WWOX: variants seen among roughly 807,000 people sequenced by gnomAD.
WWOX encodes WW domain containing oxidoreductase, also known as WW domain-containing oxidoreductase.
Under a neutral mutation model 46.2 loss-of-function variants are expected in WWOX, and 69 were observed. That is an observed-to-expected ratio of 1.49 (90% CI 1.23 to 1.82). WWOX has a LOEUF of 1.82. Among genes scored for constraint, WWOX ranks in the 40% most tolerant of loss-of-function variants. The pLI, the probability that WWOX is intolerant of heterozygous loss-of-function variation, is 0.00. For synonymous variants in WWOX, 359 were observed against 202.6 expected (o/e 1.77, Z -6.56); for missense variants, 919 against 542.6 (o/e 1.69, Z -6.89).
At chr16:78,531,916 T>C (rs956792662) in intron 8 of WWOX, among the ~76,000 whole-genome samples, 1 of 152,072 alleles carries the variant, frequency 6.6e-6, no homozygotes, top group Non-Finnish European at 1.5e-5. Context: ...TACAATAACT[T>C]TTTCAGTCTC....
intron 8 of WWOX, among the ~76,000 whole-genome samples, chr16:78,798,570 C>T (rs573429083): frequency 6.8e-6 from 1 of 147,266 alleles, no homozygotes; most frequent in African/African-American, 2.5e-5. Flanking sequence ...TCCTCCCTCC[C>T]CCCAAGGTAG....
chr16:78,132,216 C>A (rs189205575), intron 4 of WWOX, among the ~76,000 whole-genome samples: 5 of 149,640 alleles, frequency 3.3e-5, no homozygotes, highest in African/African-American at 1.2e-4. Flanking sequence ...TTAGTAGAGA[C>A]GGGGTTTCAC....
intron 4 of WWOX, among the ~76,000 whole-genome samples, chr16:78,163,414 C>A (rs185224827): frequency 1.8e-4 from 28 of 152,284 alleles, no homozygotes; most frequent in African/African-American, 6.3e-4. Flanking sequence ...TTTACCGTGG[C>A]CCTTTCCTGG....
At chr16:78,283,760 A>C (rs571759031) in intron 5 of WWOX, among the ~76,000 whole-genome samples, 2 of 152,298 alleles carry the variant, frequency 1.3e-5, no homozygotes, top group East Asian at 3.9e-4. Flanking sequence ...TTACATAGTG[A>C]CAACAGTGGG....
intron 5 of WWOX, among the ~76,000 whole-genome samples, chr16:78,312,453 C>T (rs921067340): frequency 6.8e-6 from 1 of 146,714 alleles, no homozygotes; most frequent in Non-Finnish European, 1.5e-5. Context: ...TTTCTGCTCA[C>T]TGCAACCTCC....
chr16:78,807,408 C>A (rs2051071098), intron 8 of WWOX, among the ~76,000 whole-genome samples: 1 of 152,164 alleles, frequency 6.6e-6, no homozygotes, highest in South Asian at 2.1e-4. Context: ...GAACACAGGC[C>A]TTGATGTTTT....
intron 8 of WWOX, chr16:79,111,020 G>A (rs2049406402): frequency 6.6e-6 from 1 of 152,222 alleles, no homozygotes; most frequent in Non-Finnish European, 1.5e-5. Flanking sequence ...TTCTCAGCAA[G>A]TATTTGTAGA....
At chr16:78,757,479 G>T (rs1426881292) in intron 8 of WWOX, among the ~76,000 whole-genome samples, 1 of 152,076 alleles carries the variant, frequency 6.6e-6, no homozygotes, top group East Asian at 1.9e-4. Flanking sequence ...ATACCATCTA[G>T]GACCCTGGCT....
intron 5 of WWOX, among the ~76,000 whole-genome samples, chr16:78,331,408 C>A (rs928724784): frequency 6.6e-6 from 1 of 152,192 alleles, no homozygotes; most frequent in Non-Finnish European, 1.5e-5. Context: ...AAACCAATTA[C>A]ATTCTAATAC....
intron 8 of WWOX, among the ~76,000 whole-genome samples, chr16:78,579,181 C>T (rs1453037281): frequency 6.6e-6 from 1 of 152,094 alleles, no homozygotes; most frequent in African/African-American, 2.4e-5. Context: ...TAGGAAGTCC[C>T]TATTTGTGGG....
chr16:78,392,029 A>T (rs79578393), intron 6 of WWOX, among the ~76,000 whole-genome samples: 7,539 of 149,806 alleles, frequency 0.05, 638 homozygotes, highest in African/African-American at 0.18. Context: ...ATTTCTTTTA[A>T]TGCAACAGAT....
chr16:78,887,073 GT>G (rs2044475057), intron 8 of WWOX, among the ~76,000 whole-genome samples: 2 of 22,768 alleles, frequency 8.8e-5, no homozygotes, highest in African/African-American at 1.3e-4. Context: ...ATGTGTGTGT[GT>G]GTGGTGTGTG....
intron 8 of WWOX, among the ~76,000 whole-genome samples, chr16:78,715,357 T>G (rs941114772): frequency 6.6e-6 from 1 of 152,176 alleles, no homozygotes; most frequent in East Asian, 1.9e-4. Context: ...TCCCCAGCTT[T>G]GTGATTCTCT....
chr16:78,527,923 C>A (rs11150084), intron 8 of WWOX, among the ~76,000 whole-genome samples: 1 of 149,254 alleles, frequency 6.7e-6, no homozygotes, highest in Admixed American at 6.7e-5. Flanking sequence ...CAGCAGTGCC[C>A]AGGTTGGGAA....
chr16:78,595,948 C>G (rs1315006782), intron 8 of WWOX, among the ~76,000 whole-genome samples: 1 of 152,184 alleles, frequency 6.6e-6, no homozygotes, highest in African/African-American at 2.4e-5. Context: ...AACCTGAACT[C>G]AGGAGAGTGG....
intron 8 of WWOX, among the ~76,000 whole-genome samples, chr16:78,810,039 C>G (rs2051146071): frequency 6.6e-6 from 1 of 152,140 alleles, no homozygotes; most frequent in South Asian, 2.1e-4. Flanking sequence ...TTGAAGTTTC[C>G]ATTTTTATGC....
rs368249631 is a variant in WWOX, at chr16:78,386,974, G to T, written c.605+26G>T. 2.5e-6 allele frequency: 4 copies of T among 1,600,500 alleles called. No homozygotes were observed. In the African/African-American group the frequency reaches 4.0e-5, roughly 16 times the overall value. ...GTGAGTGTTCCAGTGGAGGGTTATA[G>T]ATCATAATTTCTTGCTATTGTAATA... is the stretch of plus-strand genomic sequence containing the variant. On this transcript the variant is annotated intron_variant, in intron 6 of 8. Coordinates refer to ENST00000566780, the MANE Select transcript of WWOX (RefSeq NM_016373.4).
At chr16:78,757,015 T>C in intron 8 of WWOX, 1 of 699,856 alleles carries the variant, frequency 1.4e-6, no homozygotes, top group South Asian at 1.5e-5. Flanking sequence ...CCAACAGCCA[T>C]GTGAGTGAAC....
chr16:78,502,101 T>C (rs2738738), intron 8 of WWOX, among the ~76,000 whole-genome samples: 137,961 of 152,202 alleles, frequency 0.91, 63,083 homozygotes, highest in Non-Finnish European at 0.97. Context: ...CTTGTCTTCC[T>C]TCCCAGGCAC....
Sources: allele counts gnomAD v4.1 joint callset (sites outside exome capture counted in the v4.1 genomes callset), GRCh38; gene constraint gnomAD v4.1.1; transcripts MANE v1.5; gene names NCBI Gene and HGNC (gene_info 2026-07-23, HGNC 2026-07-21).